Variants in OR9Q1 observed in about 807,000 individuals in gnomAD.
The protein encoded by OR9Q1 is olfactory receptor 9Q1.
For synonymous variants in OR9Q1, 153 were observed against 148.6 expected, an observed-to-expected ratio of 1.03 and a Z score of -0.22; for missense variants, 374 against 378.8, an observed-to-expected ratio of 0.99 and a Z score of 0.11.
intron 2 of OR9Q1, among the ~76,000 whole-genome samples, chr11:58,093,759 CAAAAAA>C (rs71061572): frequency 5.9e-4 from 21 of 35,544 alleles, no homozygotes; most frequent in African/African-American, 1.9e-3. Context: ...GACTTCATCT[CAAAAAA>C]AAAAAAAAAA....
At chr11:58,042,358 A>C (rs1210703092) in intron 1 of OR9Q1, among the ~76,000 whole-genome samples, 1 of 152,032 alleles carries the variant, frequency 6.6e-6, no homozygotes, top group Non-Finnish European at 1.5e-5. Context: ...TCAGCTTTCT[A>C]CATATGGCTA....
intron 2 of OR9Q1, among the ~76,000 whole-genome samples, chr11:58,140,625 C>T (rs1051546878): frequency 3.5e-4 from 54 of 152,120 alleles, no homozygotes; most frequent in Middle Eastern, 6.8e-3. Context: ...CTGAGGGCTC[C>T]GTTCTGTTCC....
chr11:58,147,328 A>C (rs551402340), intron 2 of OR9Q1, among the ~76,000 whole-genome samples: 18 of 152,248 alleles, frequency 1.2e-4, no homozygotes, highest in African/African-American at 4.3e-4. Context: ...CCTTCATCAA[A>C]ATGATCATCA....
chr11:58,062,893 C>T (rs1210497177), intron 2 of OR9Q1, among the ~76,000 whole-genome samples: 1 of 152,178 alleles, frequency 6.6e-6, no homozygotes, highest in South Asian at 2.1e-4. Context: ...CTGCGTTGTT[C>T]TGCCCTGAGT....
chr11:58,074,210 G>T (rs552000384), intron 2 of OR9Q1, among the ~76,000 whole-genome samples: 8 of 152,074 alleles, frequency 5.3e-5, no homozygotes, highest in African/African-American at 1.9e-4. Context: ...GAGTCAAATG[G>T]TATTTCTAGT....
At chr11:58,059,275 C>T (rs1181791629) in intron 2 of OR9Q1, among the ~76,000 whole-genome samples, 2 of 152,030 alleles carry the variant, frequency 1.3e-5, no homozygotes, top group Admixed American at 1.3e-4. Context: ...TTGTATAATT[C>T]TTGGCATTAT....
At chr11:58,124,650 AC>A (rs1362013206) in intron 2 of OR9Q1, 1 of 152,220 alleles carries the variant, frequency 6.6e-6, no homozygotes, top group African/African-American at 2.4e-5. Context: ...CTTGACAATA[AC>A]ATAATGAGAG....
Position 58,059,687 on chromosome 11 carries a change from C to CAAAAA in OR9Q1, c.-15+3765_-15+3769dup, listed in dbSNP as rs58893511. 3.0e-3 allele frequency among the ~76,000 whole-genome samples: 120 copies of CAAAAA among 40,220 alleles called. 6 individuals are homozygous for CAAAAA. Among genetic ancestry groups the CAAAAA allele is most frequent in the East Asian group, 0.011 (8 of 696 alleles). 26.4% of individuals were successfully genotyped at this position (40,220 alleles called of 152,430 possible). A position where few individuals can be genotyped will look rare whatever the true frequency, so the allele number is the denominator to read the frequency against. ...TGGGTGACTGAGTGAGGCTCTGTCT[C>CAAAAA]AAAAAAAAAAAAAAAAAAAAAAAAA... is the stretch of plus-strand genomic sequence containing the variant. On this transcript the variant is annotated intron_variant, in intron 2 of 2. Coordinates refer to ENST00000335397, the MANE Select transcript of OR9Q1 (RefSeq NM_001005212.4).
chr11:58,087,334 T>A (rs892853131), intron 2 of OR9Q1, among the ~76,000 whole-genome samples: 7 of 151,860 alleles, frequency 4.6e-5, no homozygotes, highest in Non-Finnish European at 7.3e-5. Flanking sequence ...TAGCATTGAT[T>A]AGTTTACTTG....
intron 2 of OR9Q1, among the ~76,000 whole-genome samples, chr11:58,126,743 G>A (rs1256329906): frequency 6.6e-6 from 1 of 152,116 alleles, no homozygotes; most frequent in East Asian, 1.9e-4. Context: ...AATACTTCCT[G>A]GAATGGTATA....
At chr11:58,038,574 A>T (rs1237621934) in intron 1 of OR9Q1, among the ~76,000 whole-genome samples, 1 of 152,178 alleles carries the variant, frequency 6.6e-6, no homozygotes, top group Non-Finnish European at 1.5e-5. Flanking sequence ...TCTGGGTATT[A>T]GGATACTGAT....
At chr11:58,054,113 A>G (rs1207256294) in intron 1 of OR9Q1, among the ~76,000 whole-genome samples, 1 of 152,204 alleles carries the variant, frequency 6.6e-6, no homozygotes, top group African/African-American at 2.4e-5. Flanking sequence ...AATACATACA[A>G]TTTTTATTTG....
chr11:58,083,060 T>C (rs556182413), intron 2 of OR9Q1, among the ~76,000 whole-genome samples: 26 of 152,158 alleles, frequency 1.7e-4, no homozygotes, highest in African/African-American at 5.8e-4. Context: ...GCCATTGCTT[T>C]TGGTGTTTTA....
chr11:58,155,461 G>C (rs918455572), intron 2 of OR9Q1, among the ~76,000 whole-genome samples: 11 of 152,192 alleles, frequency 7.2e-5, no homozygotes, highest in Admixed American at 2.6e-4. Context: ...TTTTAAGGAA[G>C]TGCTCACTCT....
intron 2 of OR9Q1, among the ~76,000 whole-genome samples, chr11:58,157,773 T>G (rs11229266): frequency 0.31 from 47,457 of 152,028 alleles, 7,775 homozygotes; most frequent in East Asian, 0.59. Context: ...TTGAAATACA[T>G]ATGGAATGTT....
At chr11:58,034,821 C>CCTTG (rs1202009622) in intron 1 of OR9Q1, among the ~76,000 whole-genome samples, 8 of 138,996 alleles carry the variant, frequency 5.8e-5, no homozygotes, top group Non-Finnish European at 3.1e-5. Flanking sequence ...TTCCTTCCTT[C>CCTTG]CTTGCTTCCT....
intron 2 of OR9Q1, among the ~76,000 whole-genome samples, chr11:58,089,402 A>T (rs994184540): frequency 6.6e-6 from 1 of 151,850 alleles, no homozygotes; most frequent in Non-Finnish European, 1.5e-5. Flanking sequence ...TTACATAGGG[A>T]ATCCTTTCCC....
chr11:58,057,959 G>A (rs939774033), intron 2 of OR9Q1: 2 of 152,176 alleles, frequency 1.3e-5, no homozygotes, highest in African/African-American at 2.4e-5. Context: ...TGAAGCTCAG[G>A]AAAGGTAAGT....
At chr11:58,031,120 A>G in intron 1 of OR9Q1, 5 of 1,614,246 alleles carry the variant, frequency 3.1e-6, no homozygotes, top group Non-Finnish European at 4.2e-6. Flanking sequence ...TGGACCACCG[A>G]CTACGGAGAC....
Sources: allele counts gnomAD v4.1 joint callset (sites outside exome capture counted in the v4.1 genomes callset), GRCh38; gene constraint gnomAD v4.1.1; transcripts MANE v1.5; gene names NCBI Gene and HGNC (gene_info 2026-07-23, HGNC 2026-07-21).